The following STPG2 variants were observed in gnomAD, a reference collection of about 807,000 sequenced individuals.
STPG2 encodes sperm tail PG-rich repeat containing 2.
STPG2 carries 56 observed loss-of-function variants against 54.2 expected under a neutral mutation model. The ratio of observed to expected loss-of-function variants is 1.03; its 90% CI spans 0.83 to 1.29. The LOEUF is 1.29. STPG2 is among the 50% of genes most tolerant of loss of function. The probability of loss-of-function intolerance (pLI) is 0.00; values close to 1 mark genes in which losing one functional copy is unlikely to be tolerated. For synonymous variants in STPG2, 200 were observed against 181.8 expected, an observed-to-expected ratio of 1.10 and a Z score of -0.81; for missense variants, 596 against 544.9, an observed-to-expected ratio of 1.09 and a Z score of -0.93.
At chr4:97,973,772 G>GC (rs56984074) in intron 6 of STPG2, among the ~76,000 whole-genome samples, 152,317 of 152,320 alleles carry the variant, frequency 1, 76,157 homozygotes, top group Middle Eastern at 1. Context: ...GAGGGTGCAA[G>GC]CCCAAGCCTT....
chr4:97,452,479 C>T (rs372271612), intron 4 of STPG2, among the ~76,000 whole-genome samples: 2 of 152,132 alleles, frequency 1.3e-5, no homozygotes, highest in East Asian at 1.9e-4. Flanking sequence ...CTCTTCTGGG[C>T]TTGCCCATGG....
intron 7 of STPG2, among the ~76,000 whole-genome samples, chr4:97,968,195 A>G (rs1734187276): frequency 6.6e-6 from 1 of 152,200 alleles, no homozygotes; most frequent in Non-Finnish European, 1.5e-5. Flanking sequence ...CCAACCCCAC[A>G]GAAATACAAA....
intron 4 of STPG2, among the ~76,000 whole-genome samples, chr4:97,481,988 C>T (rs1730233380): frequency 6.6e-6 from 1 of 151,480 alleles, no homozygotes. Context: ...TCGTATAAAT[C>T]ATTTATTAGC....
chr4:97,624,882 T>C (rs886619914), intron 10 of STPG2, among the ~76,000 whole-genome samples: 1 of 152,192 alleles, frequency 6.6e-6, no homozygotes, highest in Non-Finnish European at 1.5e-5. Context: ...TAGGGAATCC[T>C]TCCCCCATTG....
intron 10 of STPG2, among the ~76,000 whole-genome samples, chr4:97,574,912 A>T (rs141862781): frequency 1.3e-3 from 191 of 152,182 alleles, no homozygotes; most frequent in African/African-American, 4.2e-3. Flanking sequence ...TCAAAGAAAA[A>T]AGAAGGTCCA....
At chr4:97,501,869 G>A (rs1730732703) in intron 4 of STPG2, among the ~76,000 whole-genome samples, 2 of 151,984 alleles carry the variant, frequency 1.3e-5, no homozygotes, top group Non-Finnish European at 2.9e-5. Context: ...GAGATGAGAT[G>A]AAAGAGAACA....
chr4:97,999,634 G>A (rs1735351443), intron 5 of STPG2, among the ~76,000 whole-genome samples: 1 of 151,998 alleles, frequency 6.6e-6, no homozygotes, highest in Admixed American at 6.5e-5. Context: ...AGGAGGCAGA[G>A]GTGGCAGTGA....
intron 9 of STPG2, among the ~76,000 whole-genome samples, chr4:97,763,921 T>C (rs1209982641): frequency 6.6e-6 from 1 of 152,112 alleles, no homozygotes; most frequent in African/African-American, 2.4e-5. Flanking sequence ...ATCCTTAATA[T>C]GGTCTTCAAG....
chr4:97,805,873 G>A (rs1028628417), intron 9 of STPG2, among the ~76,000 whole-genome samples: 2 of 151,658 alleles, frequency 1.3e-5, no homozygotes, highest in African/African-American at 4.8e-5. Flanking sequence ...CAAAGCTGCA[G>A]AGAAAAGGGA....
chr4:97,512,848 T>C (rs1373866668), intron 4 of STPG2, among the ~76,000 whole-genome samples: 2 of 152,010 alleles, frequency 1.3e-5, no homozygotes, highest in African/African-American at 4.8e-5. Context: ...GTGTGGAGCT[T>C]CCCCACAACA....
Position 97,614,569 on chromosome 4 carries a change from C to CA in STPG2, c.1321-55453dup, listed in dbSNP as rs536838063. Among the ~76,000 whole-genome samples, 675 of 152,166 alleles carry CA rather than the reference C, an allele frequency of 4.4e-3. 4 individuals carry two copies. The highest frequency in any genetic ancestry group is 6.9e-3 in the Non-Finnish European group (468 of 67,990). On this transcript the variant is annotated intron_variant, in intron 10 of 10. Coordinates refer to ENST00000295268, the MANE Select transcript of STPG2 (RefSeq NM_174952.3). ...AACAAGCAAAATGCCTTGAGCATCCCAAAAAACTGTTGCCATGCTCTTCAC... is the reference window on the plus strand; with the variant it reads ...AACAAGCAAAATGCCTTGAGCATCCCAAAAAAACTGTTGCCATGCTCTTCAC...
intron 10 of STPG2, among the ~76,000 whole-genome samples, chr4:97,639,820 G>C (rs1177772756): frequency 6.6e-6 from 1 of 151,816 alleles, no homozygotes. Context: ...TTGGGAATAT[G>C]ATGATGATAA....
At chr4:97,966,922 C>A (rs975205091) in intron 7 of STPG2, among the ~76,000 whole-genome samples, 1 of 152,142 alleles carries the variant, frequency 6.6e-6, no homozygotes, top group Non-Finnish European at 1.5e-5. Flanking sequence ...ATTGTAAAGA[C>A]CATCAATGCT....
At chr4:98,142,738 G>T (rs1740333703) in intron 1 of STPG2, among the ~76,000 whole-genome samples, 1 of 151,980 alleles carries the variant, frequency 6.6e-6, no homozygotes, top group African/African-American at 2.4e-5. Flanking sequence ...CATATATTAT[G>T]TCAACACAGC....
intron 5 of STPG2, 72 bp from the exon 6 acceptor site, chr4:97,981,390 C>T: frequency 6.9e-7 from 1 of 1,456,394 alleles, no homozygotes; most frequent in Non-Finnish European, 9.3e-7. Flanking sequence ...TTAAAACCTG[C>T]CTTTTGAGTA....
At chr4:98,072,182 G>T (rs926846389) in intron 5 of STPG2, among the ~76,000 whole-genome samples, 1 of 152,124 alleles carries the variant, frequency 6.6e-6, no homozygotes, top group African/African-American at 2.4e-5. Context: ...TGATAGACTG[G>T]ATAAAGAAAA....
At chr4:98,017,627 T>C (rs1045514692) in intron 5 of STPG2, among the ~76,000 whole-genome samples, 1 of 152,220 alleles carries the variant, frequency 6.6e-6, no homozygotes, top group South Asian at 2.1e-4. Flanking sequence ...CTGGAAACCT[T>C]AGCGCTTGTG....
chr4:97,489,159 G>A (rs529054174), intron 4 of STPG2, among the ~76,000 whole-genome samples: 132 of 151,782 alleles, frequency 8.7e-4, no homozygotes, highest in Non-Finnish European at 1.4e-3. Flanking sequence ...CATGTAAAAC[G>A]TGACTTGAAC....
intron 8 of STPG2, among the ~76,000 whole-genome samples, chr4:97,869,721 C>A (rs540590835): frequency 1.3e-5 from 2 of 151,706 alleles, no homozygotes; most frequent in South Asian, 2.1e-4. Flanking sequence ...TCAAACATAA[C>A]CTTTAGAAGT....
Sources: allele counts gnomAD v4.1 joint callset (sites outside exome capture counted in the v4.1 genomes callset), GRCh38; gene constraint gnomAD v4.1.1; transcripts MANE v1.5; gene names NCBI Gene and HGNC (gene_info 2026-07-23, HGNC 2026-07-21).